Variants in SNTG1 observed in about 807,000 individuals in gnomAD.
SNTG1 encodes the protein syntrophin gamma 1.
In SNTG1, 39 loss-of-function variants were observed where a neutral mutation model predicts 74.7. The observed-to-expected ratio is 0.52, with a 90% CI of 0.40 to 0.68. The LOEUF is 0.68. Among genes scored for constraint, SNTG1 ranks in the 30% least tolerant of loss-of-function variants. SNTG1 has a pLI of 0.00. For missense variants in SNTG1, 685 were observed against 609.5 expected, an observed-to-expected ratio of 1.12 and a Z score of -1.30; for synonymous variants, 254 against 217.1, an observed-to-expected ratio of 1.17 and a Z score of -1.49.
intron 15 of SNTG1, among the ~76,000 whole-genome samples, chr8:50,669,397 A>G (rs565356459): frequency 2.0e-5 from 3 of 152,310 alleles, no homozygotes; most frequent in Admixed American, 1.3e-4. Flanking sequence ...CTACCATCAG[A>G]GAATACTACA....
chr8:50,537,176 G>T (rs1456245120), intron 11 of SNTG1, among the ~76,000 whole-genome samples: 1 of 152,192 alleles, frequency 6.6e-6, no homozygotes, highest in Non-Finnish European at 1.5e-5. Context: ...CCTAGCTGGA[G>T]TGCAGAGGGG....
chr8:50,288,869 C>T (rs929556645), intron 2 of SNTG1, among the ~76,000 whole-genome samples: 1 of 152,084 alleles, frequency 6.6e-6, no homozygotes, highest in Non-Finnish European at 1.5e-5. Context: ...TGTCTCTTCT[C>T]CTTAAAATAA....
chr8:50,299,419 A>G (rs2089542259), intron 2 of SNTG1, among the ~76,000 whole-genome samples: 1 of 152,142 alleles, frequency 6.6e-6, no homozygotes, highest in Admixed American at 6.6e-5. Context: ...TTGAACATGT[A>G]TCATAAGAGG....
chr8:50,513,002 G>C (rs1004436973), intron 9 of SNTG1, among the ~76,000 whole-genome samples: 12 of 152,136 alleles, frequency 7.9e-5, no homozygotes, highest in African/African-American at 2.7e-4. Context: ...CTGATTTTTA[G>C]AGTTTCCAGT....
chr8:50,471,658 A>G (rs1193660279), intron 8 of SNTG1, among the ~76,000 whole-genome samples: 1 of 152,226 alleles, frequency 6.6e-6, no homozygotes, highest in African/African-American at 2.4e-5. Context: ...CAAAACATAT[A>G]CAGGAATGTT....
At chr8:50,107,065 A>T (rs1054582820) in intron 1 of SNTG1, among the ~76,000 whole-genome samples, 2 of 152,174 alleles carry the variant, frequency 1.3e-5, no homozygotes, top group African/African-American at 2.4e-5. Flanking sequence ...GACAATTAAG[A>T]GACTTTCCAG....
At position 50,120,729 on chromosome 8, in the gene SNTG1, T is replaced by C. The variant is rs748416973; in HGVS notation, c.-102-51832T>C. 4.2e-5 allele frequency among the ~76,000 whole-genome samples: 6 copies of C among 142,670 alleles called. 2 individuals are homozygous for C. The highest frequency in any genetic ancestry group is 7.8e-5 in the Non-Finnish European group (5 of 64,014). 93.6% of individuals were successfully genotyped at this position (142,670 alleles called of 152,430 possible). ...GAGGTTTCTTCTCCTGAACCCACAATTTTTAGGTGATCACATTTTAATGTC... is the reference window on the plus strand; with the variant it reads ...GAGGTTTCTTCTCCTGAACCCACAACTTTTAGGTGATCACATTTTAATGTC... On this transcript the variant is annotated intron_variant, in intron 1 of 18. Coordinates refer to ENST00000642720, the MANE Select transcript of SNTG1 (RefSeq NM_018967.5).
intron 9 of SNTG1, among the ~76,000 whole-genome samples, chr8:50,504,841 G>A (rs2093993054): frequency 1.3e-5 from 2 of 151,990 alleles, no homozygotes; most frequent in South Asian, 2.1e-4. Flanking sequence ...TATTTATTGT[G>A]GTAAATAACA....
intron 8 of SNTG1, among the ~76,000 whole-genome samples, chr8:50,487,025 T>G (rs1228303570): frequency 6.6e-6 from 1 of 152,184 alleles, no homozygotes; most frequent in Non-Finnish European, 1.5e-5. Context: ...TGGATAAGCT[T>G]TTTGATGTGC....
chr8:50,790,244 G>A (rs1221661996), intron 18 of SNTG1, among the ~76,000 whole-genome samples: 1 of 151,822 alleles, frequency 6.6e-6, no homozygotes, highest in Non-Finnish European at 1.5e-5. Context: ...GGACTGTTTT[G>A]TTCCTTTGTT....
At chr8:50,068,516 G>A (rs946100214) in intron 1 of SNTG1, among the ~76,000 whole-genome samples, 1 of 152,126 alleles carries the variant, frequency 6.6e-6, no homozygotes, top group African/African-American at 2.4e-5. Flanking sequence ...AGGTAAAGCT[G>A]GGGCCACACC....
At position 50,335,817 on chromosome 8, in the gene SNTG1, ATTATTTTATTTTATT is replaced by A. The variant is rs71233486; in HGVS notation, c.-27-58363_-27-58349del. Reference sequence around the variant, plus strand: ...TGCCAATTCTATGCTTTTATGTTTTATTATTTTATTTTATTTTATTTTATTTTATTTTATTTTATT... The same window carrying A: ...TGCCAATTCTATGCTTTTATGTTTTATTATTTTATTTTATTTTATTTTATT... On this transcript the variant is annotated intron_variant, in intron 2 of 18. Transcript: ENST00000642720. Among the ~76,000 whole-genome samples the A allele has an allele frequency of 3.7e-4, 52 of 141,452 alleles. No homozygotes were observed. In the East Asian group the frequency reaches 6.2e-3, roughly 17 times the overall value. The allele number at this position is 141,452 out of a possible 152,430, so 92.8% of individuals were successfully genotyped here.
chr8:50,517,504 T>C (rs1259117308), intron 9 of SNTG1, among the ~76,000 whole-genome samples: 1 of 146,928 alleles, frequency 6.8e-6, no homozygotes, highest in Non-Finnish European at 1.5e-5. Context: ...GCAAATTGGA[T>C]AAAGAGTCAA....
At chr8:50,162,605 C>T (rs1311140582) in intron 1 of SNTG1, among the ~76,000 whole-genome samples, 2 of 151,906 alleles carry the variant, frequency 1.3e-5, no homozygotes, top group Non-Finnish European at 2.9e-5. Flanking sequence ...AACACCAGTC[C>T]CTAGCAGAAC....
intron 2 of SNTG1, among the ~76,000 whole-genome samples, chr8:50,392,010 G>A (rs1408661691): frequency 1.3e-5 from 2 of 152,010 alleles, no homozygotes; most frequent in Non-Finnish European, 2.9e-5. Flanking sequence ...GAAGCCCAAG[G>A]GAAAAAGGGG....
chr8:50,442,680 T>TAAAAAA (rs5891365), intron 5 of SNTG1, among the ~76,000 whole-genome samples: 7 of 81,196 alleles, frequency 8.6e-5, no homozygotes, highest in African/African-American at 3.6e-4. Context: ...TGTCTATCAG[T>TAAAAAA]AAAAAAAAAA....
intron 1 of SNTG1, among the ~76,000 whole-genome samples, chr8:50,148,521 T>A (rs1007940097): frequency 2.0e-5 from 3 of 152,198 alleles, no homozygotes; most frequent in African/African-American, 7.2e-5. Context: ...ACTCATCATT[T>A]ACATTACATA....
intron 2 of SNTG1, among the ~76,000 whole-genome samples, chr8:50,393,468 C>T (rs2092688756): frequency 6.6e-6 from 1 of 152,120 alleles, no homozygotes; most frequent in Admixed American, 6.5e-5. Flanking sequence ...TATATTTTGG[C>T]TCTGCATTGC....
chr8:50,771,297 A>G (rs1206693985), intron 18 of SNTG1, among the ~76,000 whole-genome samples: 2 of 152,126 alleles, frequency 1.3e-5, no homozygotes, highest in African/African-American at 4.8e-5. Flanking sequence ...TTAGAAATAA[A>G]AACAGTGGAA....
Sources: allele counts gnomAD v4.1 joint callset (sites outside exome capture counted in the v4.1 genomes callset), GRCh38; gene constraint gnomAD v4.1.1; transcripts MANE v1.5; gene names NCBI Gene and HGNC (gene_info 2026-07-23, HGNC 2026-07-21).